Variants in LIMD1 observed in about 807,000 individuals in gnomAD.
The protein encoded by LIMD1 is LIM domain containing 1.
In LIMD1, 23 loss-of-function variants were observed where a neutral mutation model predicts 58.4. That is an observed-to-expected ratio of 0.39 (90% CI 0.28 to 0.56). The LOEUF (loss-of-function observed/expected upper bound fraction) is 0.56. Ranked by LOEUF, LIMD1 falls within the 20% of genes least tolerant of loss-of-function variation. LIMD1 has a pLI of 0.57. For missense variants in LIMD1, 838 were observed against 855.5 expected (o/e 0.98, Z 0.25); for synonymous variants, 334 against 345.5 (o/e 0.97, Z 0.37).
intron 1 of LIMD1, among the ~76,000 whole-genome samples, chr3:45,615,184 T>C (rs987153254): frequency 5.3e-5 from 8 of 152,194 alleles, no homozygotes; most frequent in Non-Finnish European, 8.8e-5. Flanking sequence ...TATATGAGGT[T>C]GAACAAAGAG....
chr3:45,635,367 T>G (rs1352496117), intron 1 of LIMD1, among the ~76,000 whole-genome samples: 1 of 151,742 alleles, frequency 6.6e-6, no homozygotes, highest in African/African-American at 2.4e-5. Context: ...CCTCAGGACT[T>G]GAGTGAACAG....
At chr3:45,625,720 G>A (rs1053093876) in intron 1 of LIMD1, among the ~76,000 whole-genome samples, 8 of 152,136 alleles carry the variant, frequency 5.3e-5, no homozygotes, top group Non-Finnish European at 1.0e-4. Context: ...CCCCTTCCCT[G>A]CTTTCTCTTG....
At chr3:45,610,315 A>G (rs994131484) in intron 1 of LIMD1, among the ~76,000 whole-genome samples, 2 of 152,054 alleles carry the variant, frequency 1.3e-5, no homozygotes, top group Non-Finnish European at 2.9e-5. Flanking sequence ...TCCATACCCT[A>G]CACTGACGTG....
intron 1 of LIMD1, among the ~76,000 whole-genome samples, chr3:45,597,516 G>T (rs534359022): frequency 4.6e-5 from 7 of 152,190 alleles, no homozygotes; most frequent in Admixed American, 1.3e-4. Flanking sequence ...TTTTTTCTTT[G>T]CACGAGGTTT....
chr3:45,604,766 C>T (rs1285845680), intron 1 of LIMD1, among the ~76,000 whole-genome samples: 2 of 152,144 alleles, frequency 1.3e-5, no homozygotes, highest in Admixed American at 1.3e-4. Context: ...CCTGGCGCGT[C>T]CCGACATGGA....
chr3:45,665,478 C>T (rs1487900436), intron 2 of LIMD1, among the ~76,000 whole-genome samples, 172 bp from the exon 3 acceptor site: 1 of 152,230 alleles, frequency 6.6e-6, no homozygotes, highest in Admixed American at 6.5e-5. Flanking sequence ...CTCAGCCTGC[C>T]TGCCTCTCGC....
intron 3 of LIMD1, among the ~76,000 whole-genome samples, 177 bp from the exon 4 acceptor site, chr3:45,668,117 G>A (rs888457404): frequency 1.3e-5 from 2 of 152,156 alleles, no homozygotes; most frequent in Non-Finnish European, 2.9e-5. Context: ...GATGGCTTTC[G>A]TGGCAGAGAA....
At chr3:45,663,106 A>G (rs563705689) in intron 2 of LIMD1, among the ~76,000 whole-genome samples, 11 of 152,352 alleles carry the variant, frequency 7.2e-5, no homozygotes, top group Non-Finnish European at 1.6e-4. Flanking sequence ...TGTTCAGTTC[A>G]ATTAATAATG....
intron 1 of LIMD1, among the ~76,000 whole-genome samples, chr3:45,629,035 A>C (rs1208333819): frequency 6.6e-6 from 1 of 152,190 alleles, no homozygotes. Flanking sequence ...GAGGGATTGC[A>C]AAAGGCATGA....
At chr3:45,673,331 G>T in intron 5 of LIMD1, 123 bp from the exon 6 acceptor site, 1 of 757,998 alleles carries the variant, frequency 1.3e-6, no homozygotes. Context: ...CATTCTATGA[G>T]GGAGGAGAGC....
chr3:45,597,150 G>C (rs531056235), intron 1 of LIMD1, among the ~76,000 whole-genome samples: 1 of 152,054 alleles, frequency 6.6e-6, no homozygotes, highest in African/African-American at 2.4e-5. Context: ...GTGAGCCACC[G>C]CGCCTGGCCA....
chr3:45,630,932 G>T (rs899953138), intron 1 of LIMD1, among the ~76,000 whole-genome samples: 1 of 152,134 alleles, frequency 6.6e-6, no homozygotes, highest in Non-Finnish European at 1.5e-5. Context: ...GGCTAGGTGC[G>T]GTGGCTCACG....
chr3:45,617,160 A>G (rs1474078900), intron 1 of LIMD1, among the ~76,000 whole-genome samples: 2 of 150,144 alleles, frequency 1.3e-5, no homozygotes, highest in African/African-American at 4.9e-5. Flanking sequence ...CGGCCTCCCT[A>G]GTAGCTGGGA....
intron 2 of LIMD1, among the ~76,000 whole-genome samples, chr3:45,658,015 C>T (rs1299202263): frequency 6.6e-6 from 1 of 152,270 alleles, no homozygotes; most frequent in East Asian, 1.9e-4. Context: ...TGTGACAGTA[C>T]AGGGTCAGAA....
At chr3:45,604,532 C>G (rs755851798) in intron 1 of LIMD1, among the ~76,000 whole-genome samples, 1 of 152,136 alleles carries the variant, frequency 6.6e-6, no homozygotes, top group East Asian at 1.9e-4. Context: ...ACAGCCAGTG[C>G]GATGGATTCA....
At chr3:45,619,017 T>G (rs964847497) in intron 1 of LIMD1, among the ~76,000 whole-genome samples, 2 of 152,212 alleles carry the variant, frequency 1.3e-5, no homozygotes, top group Non-Finnish European at 2.9e-5. Context: ...CTTTTCTTTA[T>G]GTATGCATCA....
chr3:45,599,217 T>G (rs1457234331), intron 1 of LIMD1, among the ~76,000 whole-genome samples: 1 of 152,066 alleles, frequency 6.6e-6, no homozygotes, highest in Non-Finnish European at 1.5e-5. Context: ...TTCAGTGGTG[T>G]TTAATATTAA....
rs57091993 is a variant in LIMD1 at position 45,594,778 on chromosome 3, AACACACACACACAC to A, written c.-49_-36del. On this transcript the variant is annotated 5_prime_UTR_variant, in exon 1 of 8. Transcript: ENST00000273317. ...TCGCCAGCATCTCCCCGCTGCCCTCAACACACACACACACACACACACACACACACACACACACA... is the reference window on the plus strand; with the variant it reads ...TCGCCAGCATCTCCCCGCTGCCCTCAACACACACACACACACACACACACA... The A allele has an allele frequency of 0.012, 8,625 of 730,122 alleles. 88 individuals are homozygous for A. The highest frequency in any genetic ancestry group is 0.029 in the African/African-American group (1,113 of 37,928). The allele number at this position is 730,122 out of a possible 1,614,324, so 45.2% of individuals were successfully genotyped here.
At chr3:45,654,309 G>A (rs1342204247) in intron 2 of LIMD1, among the ~76,000 whole-genome samples, 1 of 152,170 alleles carries the variant, frequency 6.6e-6, no homozygotes, top group Admixed American at 6.5e-5. Context: ...TTGTGGTGGA[G>A]TCTTACCGCC....
Sources: allele counts gnomAD v4.1 joint callset (sites outside exome capture counted in the v4.1 genomes callset), GRCh38; gene constraint gnomAD v4.1.1; transcripts MANE v1.5; gene names NCBI Gene and HGNC (gene_info 2026-07-23, HGNC 2026-07-21).